Variants in PRKG1 observed in about 807,000 individuals in gnomAD.
PRKG1 encodes the protein protein kinase cGMP-dependent 1.
In PRKG1, 35 loss-of-function variants were observed where a neutral mutation model predicts 88.1. The ratio of observed to expected loss-of-function variants is 0.40; its 90% CI spans 0.30 to 0.53. The LOEUF is 0.53. Among genes scored for constraint, PRKG1 ranks in the 20% least tolerant of loss-of-function variants. The pLI, the probability that PRKG1 is intolerant of heterozygous loss-of-function variation, is 0.59. For missense variants in PRKG1, 540 were observed against 839.8 expected, an observed-to-expected ratio of 0.64 and a Z score of 4.41; for synonymous variants, 303 against 292.5, an observed-to-expected ratio of 1.04 and a Z score of -0.37.
chr10:51,534,636 C>T (rs538058488), intron 3 of PRKG1, among the ~76,000 whole-genome samples: 1 of 141,644 alleles, frequency 7.1e-6, no homozygotes, highest in Non-Finnish European at 1.5e-5. Flanking sequence ...CACTGCACTC[C>T]AGCCTGGGCA....
intron 16 of PRKG1, 37 bp downstream of exon 16, chr10:52,289,030 A>T (rs1216922350): frequency 4.5e-6 from 7 of 1,553,112 alleles, no homozygotes; most frequent in Non-Finnish European, 6.2e-6. Context: ...AACACGTGAC[A>T]TCATTTCCCC....
intron 9 of PRKG1, among the ~76,000 whole-genome samples, chr10:52,196,310 C>T (rs1206073802): frequency 6.6e-6 from 1 of 152,186 alleles, no homozygotes; most frequent in African/African-American, 2.4e-5. Flanking sequence ...GCCACCGCGC[C>T]AGGCCAAGAA....
At chr10:51,585,512 T>A (rs943528787) in intron 3 of PRKG1, among the ~76,000 whole-genome samples, 1 of 152,170 alleles carries the variant, frequency 6.6e-6, no homozygotes, top group Non-Finnish European at 1.5e-5. Flanking sequence ...GAAACTTTTA[T>A]AATATGTTTA....
At chr10:52,187,169 A>G (rs904223979) in intron 9 of PRKG1, among the ~76,000 whole-genome samples, 2 of 152,162 alleles carry the variant, frequency 1.3e-5, no homozygotes, top group African/African-American at 4.8e-5. Context: ...CAGGATGCTA[A>G]AACTTTGATA....
chr10:52,232,444 T>C (rs1311710236), intron 9 of PRKG1, among the ~76,000 whole-genome samples: 1 of 152,234 alleles, frequency 6.6e-6, no homozygotes, highest in Non-Finnish European at 1.5e-5. Context: ...GATAATTATC[T>C]ATTTTGTATT....
intron 4 of PRKG1, among the ~76,000 whole-genome samples, chr10:51,813,238 G>C (rs1320792227): frequency 2.6e-5 from 4 of 152,030 alleles, no homozygotes; most frequent in African/African-American, 9.7e-5. Flanking sequence ...ATAAGTCATT[G>C]GCAAAAAAGC....
intron 5 of PRKG1, among the ~76,000 whole-genome samples, chr10:51,971,437 T>C (rs1471127740): frequency 6.6e-6 from 1 of 152,068 alleles, no homozygotes; most frequent in Admixed American, 6.6e-5. Flanking sequence ...ATTTTACTTA[T>C]CTTTTTGTTA....
intron 2 of PRKG1, among the ~76,000 whole-genome samples, chr10:51,384,448 A>G (rs1837196060): frequency 6.6e-6 from 1 of 152,136 alleles, no homozygotes; most frequent in Non-Finnish European, 1.5e-5. Flanking sequence ...CTGTTCTTCA[A>G]TTGTGGCTTC....
chr10:51,273,348 CAAAAAAAA>C (rs35237197), intron 2 of PRKG1, among the ~76,000 whole-genome samples: 1 of 118,660 alleles, frequency 8.4e-6, no homozygotes, highest in Non-Finnish European at 1.8e-5. Context: ...CCATCTCTTC[CAAAAAAAA>C]AAAAAAAAGG....
At chr10:52,161,189 A>T (rs1838266387) in intron 8 of PRKG1, among the ~76,000 whole-genome samples, 1 of 152,052 alleles carries the variant, frequency 6.6e-6, no homozygotes, top group South Asian at 2.1e-4. Flanking sequence ...TTTTAGTGAC[A>T]CAATTGATGA....
chr10:51,465,718 T>C (rs1356565604), intron 2 of PRKG1, among the ~76,000 whole-genome samples: 1 of 152,178 alleles, frequency 6.6e-6, no homozygotes, highest in African/African-American at 2.4e-5. Context: ...AACAAATTCT[T>C]TCTCCACTGG....
intron 1 of PRKG1, among the ~76,000 whole-genome samples, chr10:51,094,393 G>A (rs1365426061): frequency 6.6e-6 from 1 of 151,984 alleles, no homozygotes; most frequent in East Asian, 1.9e-4. Flanking sequence ...ATTCTGTATG[G>A]ATTACTTATT....
chr10:51,122,853 C>A (rs1180615034), intron 1 of PRKG1, among the ~76,000 whole-genome samples: 1 of 152,142 alleles, frequency 6.6e-6, no homozygotes, highest in African/African-American at 2.4e-5. Flanking sequence ...TCACTAAAAC[C>A]AGGTATCTTC....
chr10:52,261,547 A>G (rs1841432986), intron 10 of PRKG1, among the ~76,000 whole-genome samples: 1 of 151,920 alleles, frequency 6.6e-6, no homozygotes, highest in Non-Finnish European at 1.5e-5. Flanking sequence ...AGCCTTTACC[A>G]TGAAGTTGAG....
intron 5 of PRKG1, among the ~76,000 whole-genome samples, chr10:51,994,410 A>G (rs1379836194): frequency 6.6e-6 from 1 of 152,116 alleles, no homozygotes; most frequent in African/African-American, 2.4e-5. Flanking sequence ...CAAAAATGTA[A>G]TATGTATCCC....
intron 2 of PRKG1, among the ~76,000 whole-genome samples, chr10:51,286,323 G>T (rs1840440548): frequency 1.3e-5 from 2 of 152,118 alleles, no homozygotes; most frequent in Non-Finnish European, 2.9e-5. Context: ...TGTGGTTTTG[G>T]CAAAGAAAGT....
intron 4 of PRKG1, among the ~76,000 whole-genome samples, chr10:51,859,627 C>T (rs912074472): frequency 1.3e-5 from 2 of 152,104 alleles, no homozygotes; most frequent in East Asian, 3.9e-4. Context: ...TACAAAAATG[C>T]ACATGGCAAT....
chr10:51,532,665 G>A (rs553565980), intron 3 of PRKG1, among the ~76,000 whole-genome samples: 1 of 152,148 alleles, frequency 6.6e-6, no homozygotes, highest in Non-Finnish European at 1.5e-5. Context: ...CTTCACAGAA[G>A]TAGCATCCAG....
intron 1 of PRKG1, among the ~76,000 whole-genome samples, chr10:51,131,760 T>C (rs932979621): frequency 4.8e-4 from 73 of 152,336 alleles, no homozygotes; most frequent in African/African-American, 1.7e-3. Context: ...ACAGCTTTCA[T>C]TGAGTGCCTA....
Sources: allele counts gnomAD v4.1 joint callset (sites outside exome capture counted in the v4.1 genomes callset), GRCh38; gene constraint gnomAD v4.1.1; transcripts MANE v1.5; gene names NCBI Gene and HGNC (gene_info 2026-07-23, HGNC 2026-07-21).